Variants in MACROD1 observed in about 807,000 individuals in gnomAD.
MACROD1 encodes the protein ADP-ribose glycohydrolase MACROD1.
Under a neutral mutation model 41.4 loss-of-function variants are expected in MACROD1, and 31 were observed. That is an observed-to-expected ratio of 0.75 (90% CI 0.56 to 1.01). The LOEUF is 1.01. MACROD1 is among the 50% of genes least tolerant of loss of function. The pLI is 0.00. For missense variants in MACROD1, 473 were observed against 460.0 expected, an observed-to-expected ratio of 1.03 and a Z score of -0.26; for synonymous variants, 252 against 203.4, an observed-to-expected ratio of 1.24 and a Z score of -2.03.
chr11:64,069,174 C>T (rs1243699537), intron 3 of MACROD1, among the ~76,000 whole-genome samples: 1 of 152,132 alleles, frequency 6.6e-6, no homozygotes, highest in African/African-American at 2.4e-5. Context: ...GGGAGAGGTG[C>T]GGGGAGCAGA....
intron 3 of MACROD1, among the ~76,000 whole-genome samples, chr11:64,025,735 T>C (rs575900543): frequency 2.6e-5 from 4 of 151,190 alleles, no homozygotes; most frequent in African/African-American, 9.7e-5. Flanking sequence ...TTTTTTTTTT[T>C]CAGACGGTCT....
At chr11:64,043,814 C>T (rs896132573) in intron 3 of MACROD1, among the ~76,000 whole-genome samples, 26 of 144,590 alleles carry the variant, frequency 1.8e-4, no homozygotes, top group Middle Eastern at 3.6e-3. Context: ...GACATGGCAT[C>T]TTTTTTTTTT....
Position 64,051,518 on chromosome 11 carries a change from C to T in MACROD1, c.518-36237G>A, listed in dbSNP as rs541422606. Among the ~76,000 whole-genome samples, 19 of 152,270 alleles carry T rather than the reference C, an allele frequency of 1.2e-4. 1 individual carries two copies. In the South Asian group the frequency reaches 2.9e-3, roughly 23 times the overall value. The stretch of plus-strand genomic sequence containing the variant: ...GGAAGCCTCGCTCCTGGCTCCTGGG[C>T]GGCAGAGCTGTCGGCCGGGCAGGCT... On this transcript the variant is annotated intron_variant, in intron 3 of 10. Transcript: ENST00000255681.
intron 3 of MACROD1, among the ~76,000 whole-genome samples, chr11:64,121,094 G>A (rs1000064259): frequency 6.6e-6 from 1 of 152,144 alleles, no homozygotes; most frequent in Non-Finnish European, 1.5e-5. Context: ...CTTAGTGCTA[G>A]AGAGCAGGCA....
intron 3 of MACROD1, among the ~76,000 whole-genome samples, chr11:64,101,978 G>A (rs970024003): frequency 6.6e-5 from 10 of 152,156 alleles, no homozygotes; most frequent in African/African-American, 1.9e-4. Context: ...TGTGAGCCCC[G>A]TGGGCAGCCA....
chr11:64,013,450 G>A (rs997512914), intron 4 of MACROD1, among the ~76,000 whole-genome samples: 3 of 152,236 alleles, frequency 2.0e-5, no homozygotes, highest in Admixed American at 6.5e-5. Context: ...GCAAAGGCCC[G>A]GAGGCAGGAG....
In MACROD1 at chr11:64,075,737, A is replaced by G. The variant is rs187917460; in HGVS notation, c.518-60456T>C. Reference sequence around the variant, plus strand: ...GCCCAGGCTGGAGCGCAGTGGCACAATCTCAGCTCACTGCAACCTCCACCT... The same window carrying G: ...GCCCAGGCTGGAGCGCAGTGGCACAGTCTCAGCTCACTGCAACCTCCACCT... On this transcript the variant is annotated intron_variant, in intron 3 of 10. Coordinates refer to ENST00000255681, the MANE Select transcript of MACROD1 (RefSeq NM_014067.4). Among the ~76,000 whole-genome samples, 5 of 152,288 alleles carry G rather than the reference A, an allele frequency of 3.3e-5. No individual in the cohort carries two copies. In the East Asian group the frequency reaches 5.8e-4, roughly 18 times the overall value.
At chr11:64,019,543 G>A (rs1943125975) in intron 3 of MACROD1, among the ~76,000 whole-genome samples, 1 of 152,246 alleles carries the variant, frequency 6.6e-6, no homozygotes, top group African/African-American at 2.4e-5. Flanking sequence ...GGCCAGACCT[G>A]AGTGCTCAGA....
intron 3 of MACROD1, among the ~76,000 whole-genome samples, chr11:64,095,953 G>A (rs1944568633): frequency 7.0e-6 from 1 of 142,036 alleles, no homozygotes; most frequent in Non-Finnish European, 1.5e-5. Flanking sequence ...TTTCTCCCTG[G>A]GGAGTCTCCA....
chr11:64,148,184 G>A (rs1945522919), intron 3 of MACROD1, among the ~76,000 whole-genome samples: 1 of 152,140 alleles, frequency 6.6e-6, no homozygotes, highest in Non-Finnish European at 1.5e-5. Flanking sequence ...CAAGAGAGAT[G>A]CCCACAGCCT....
intron 5 of MACROD1, 24 bp downstream of exon 5, chr11:64,000,203 G>A: frequency 6.3e-7 from 1 of 1,586,632 alleles, no homozygotes; most frequent in Non-Finnish European, 8.6e-7. Context: ...GCGCCCCACA[G>A]CTGGGGGCGC....
intron 3 of MACROD1, among the ~76,000 whole-genome samples, chr11:64,043,701 T>C (rs186825613): frequency 8.5e-5 from 13 of 152,292 alleles, no homozygotes; most frequent in African/African-American, 2.6e-4. Flanking sequence ...CTAAGGACTC[T>C]ACCTTGCAGA....
chr11:64,131,238 A>G (rs1945260848), intron 3 of MACROD1, among the ~76,000 whole-genome samples: 1 of 152,164 alleles, frequency 6.6e-6, no homozygotes. Flanking sequence ...CCAGGGTTAC[A>G]CCCAGCTTGG....
chr11:64,129,501 C>T (rs1271900203), intron 3 of MACROD1, among the ~76,000 whole-genome samples: 7 of 152,154 alleles, frequency 4.6e-5, no homozygotes, highest in Non-Finnish European at 7.4e-5. Flanking sequence ...GAGTGTAGGC[C>T]TCCCCCACCC....
chr11:64,042,567 C>T (rs1943508320), intron 3 of MACROD1, among the ~76,000 whole-genome samples: 4 of 152,236 alleles, frequency 2.6e-5, no homozygotes, highest in Middle Eastern at 6.8e-3. Context: ...ACCCCCTTGG[C>T]TAGCCAATGG....
At chr11:64,159,695 G>GAACCCAGCCTGAACCC (rs1945724500) in intron 1 of MACROD1, among the ~76,000 whole-genome samples, 1 of 152,058 alleles carries the variant, frequency 6.6e-6, no homozygotes, top group African/African-American at 2.4e-5. Flanking sequence ...GCGGGAGGCT[G>GAACCCAGCCTGAACCC]AGGCAGGATA....
chr11:64,071,734 T>C (rs1025338945), intron 3 of MACROD1, among the ~76,000 whole-genome samples: 1 of 152,140 alleles, frequency 6.6e-6, no homozygotes, highest in African/African-American at 2.4e-5. Context: ...CAGGAGGCCC[T>C]AGAGTCACAG....
At chr11:64,029,863 G>T (rs898062636) in intron 3 of MACROD1, among the ~76,000 whole-genome samples, 1 of 152,178 alleles carries the variant, frequency 6.6e-6, no homozygotes, top group African/African-American at 2.4e-5. Context: ...GGGAATGATC[G>T]CTGAGAAGGG....
At chr11:64,113,937 C>CGGAT (rs562555774) in intron 3 of MACROD1, among the ~76,000 whole-genome samples, 686 of 66,594 alleles carry the variant, frequency 0.01, 4 homozygotes, top group East Asian at 0.05. Flanking sequence ...GATTGATGCA[C>CGGAT]GGATGGATGG....
Sources: allele counts gnomAD v4.1 joint callset (sites outside exome capture counted in the v4.1 genomes callset), GRCh38; gene constraint gnomAD v4.1.1; transcripts MANE v1.5; gene names NCBI Gene and HGNC (gene_info 2026-07-23, HGNC 2026-07-21).